Variants in KY observed in about 807,000 individuals in gnomAD.
KY encodes kyphoscoliosis peptidase.
Under a neutral mutation model 76.1 loss-of-function variants are expected in KY, and 43 were observed. The ratio of observed to expected loss-of-function variants is 0.57; its 90% CI spans 0.44 to 0.73. KY has a LOEUF of 0.73. KY is among the 30% of genes least tolerant of loss of function. The pLI is 0.00. For missense variants in KY, 722 were observed against 828.9 expected (o/e 0.87, Z 1.58); for synonymous variants, 277 against 326.2 (o/e 0.85, Z 1.63).
rs560190380 is a variant in KY at position 134,607,693 on chromosome 3, A to G, written c.1090+956T>C. 1.6e-5 allele frequency: 16 copies of G among 985,726 alleles called. No homozygotes were observed. The African/African-American group carries it at 2.6e-4, about 16-fold the overall frequency. The allele number at this position is 985,726 out of a possible 1,614,324, so 61.1% of individuals were successfully genotyped here. Reference sequence around the variant, plus strand: ...TCTGGCCCTCCAGGGCAGCCCCCGTATGCCTCAGAGTGTGCAAACATACTC... The same window carrying G: ...TCTGGCCCTCCAGGGCAGCCCCCGTGTGCCTCAGAGTGTGCAAACATACTC... On this transcript the variant is annotated intron_variant, in intron 10 of 10. Transcript: ENST00000423778.
At chr3:134,618,431 G>T (rs1029347024) in intron 8 of KY, among the ~76,000 whole-genome samples, 3 of 152,170 alleles carry the variant, frequency 2.0e-5, no homozygotes, top group South Asian at 2.1e-4. Flanking sequence ...CCTGGGGAGG[G>T]GTTCTTTGAT....
At chr3:134,618,557 G>A (rs2107820743) in intron 8 of KY, among the ~76,000 whole-genome samples, 1 of 133,830 alleles carries the variant, frequency 7.5e-6, no homozygotes, top group East Asian at 2.2e-4. Flanking sequence ...TCTTGAGCCT[G>A]TTTTGAGTCA....
chr3:134,637,904 C>T (rs113567164), intron 3 of KY, among the ~76,000 whole-genome samples: 26 of 152,232 alleles, frequency 1.7e-4, no homozygotes, highest in African/African-American at 5.5e-4. Flanking sequence ...GTTCGGAGCA[C>T]GGCCCTGGCC....
chr3:134,608,932 A>G, intron 9 of KY, 93 bp from the exon 10 acceptor site: 17 of 1,419,018 alleles, frequency 1.2e-5, no homozygotes, highest in Non-Finnish European at 1.6e-5. Context: ...GACACCCTGG[A>G]TGGGAAGAGG....
At chr3:134,647,551 T>C in intron 1 of KY, 54 bp from the exon 2 acceptor site, 1 of 1,120,836 alleles carries the variant, frequency 8.9e-7, no homozygotes, top group Non-Finnish European at 1.3e-6. Context: ...AAGAGTGATG[T>C]ACCAGTTGCA....
At chr3:134,625,916 GCAGGGC>G (rs753913651) in intron 5 of KY, among the ~76,000 whole-genome samples, 6 of 152,242 alleles carry the variant, frequency 3.9e-5, no homozygotes, top group African/African-American at 9.6e-5. Flanking sequence ...CAGTGCTGAT[GCAGGGC>G]CAGCAATCAT....
chr3:134,650,678 C>G (rs1175465379), intron 1 of KY, 147 bp downstream of exon 1: 1 of 736,966 alleles, frequency 1.4e-6, no homozygotes, highest in Non-Finnish European at 2.1e-6. Context: ...GGTGCCACTG[C>G]GGGGAAGCGA....
chr3:134,611,468 C>T (rs889730493), intron 8 of KY, among the ~76,000 whole-genome samples: 2 of 152,234 alleles, frequency 1.3e-5, no homozygotes, highest in Non-Finnish European at 2.9e-5. Flanking sequence ...AATTTCACTG[C>T]TAGTCTGACC....
chr3:134,605,160 G>A (rs968084743), intron 10 of KY, among the ~76,000 whole-genome samples: 6 of 151,982 alleles, frequency 3.9e-5, no homozygotes, highest in South Asian at 2.1e-4. Context: ...TTTCATCTTC[G>A]TCTGTCCTGG....
At chr3:134,644,486 G>A (rs577869503) in intron 2 of KY, among the ~76,000 whole-genome samples, 2 of 152,302 alleles carry the variant, frequency 1.3e-5, no homozygotes, top group East Asian at 3.9e-4. Context: ...GAGGGGTGGG[G>A]GGAAGGCTGG....
At chr3:134,615,349 C>T (rs1406951030) in intron 8 of KY, 62 of 96,122 alleles carry the variant, frequency 6.5e-4, no homozygotes, top group Admixed American at 1.1e-3. Flanking sequence ...GTTCAAGAAG[C>T]TTTTTTTTTT....
rs1411348723 is a variant in KY at position 134,608,881 on chromosome 3, G to T, written c.900-42C>A. On this transcript the variant is annotated intron_variant, in intron 9 of 10. Transcript: ENST00000423778. ...CTGGTTAGCAGCCAGCTCCATGCAG[G>T]GGAGGCAGGGGCCCAATACACCCAC... 1.9e-6 allele frequency: 3 copies of T among 1,568,934 alleles called. 1 individual carries two copies. Among genetic ancestry groups the T allele is most frequent in the South Asian group, 2.4e-5 (2 of 82,566 alleles).
chr3:134,647,728 G>C (rs1310572727), intron 1 of KY, among the ~76,000 whole-genome samples: 1 of 152,178 alleles, frequency 6.6e-6, no homozygotes, highest in Non-Finnish European at 1.5e-5. Context: ...GGTTATCAGG[G>C]TCATTTAGGG....
At position 134,610,284 on chromosome 3, in the gene KY, A is replaced by G; in HGVS notation, c.810T>C (p.Asn270=). 6.2e-7 allele frequency: 1 copy of G among 1,613,900 alleles called. No homozygotes were observed. The highest frequency in any genetic ancestry group is 8.5e-7 in the Non-Finnish European group (1 of 1,179,868). ...SFSGEFDHAW[N]AVYLEGRWHL... is the part of the protein sequence containing the mutation. Reference sequence around the variant, plus strand: ...GCCATCTTCCCTCCAGGTACACAGCATTCCAGGCATGGTCAAACTCCCCCG... The same window carrying G: ...GCCATCTTCCCTCCAGGTACACAGCGTTCCAGGCATGGTCAAACTCCCCCG... Residue 270 remains asparagine, a synonymous_variant, in exon 9 of 11, where the codon AAT becomes AAC. Coordinates refer to ENST00000423778, the MANE Select transcript of KY (RefSeq NM_178554.6).
At chr3:134,618,642 C>T (rs1962023460) in intron 8 of KY, among the ~76,000 whole-genome samples, 1 of 152,048 alleles carries the variant, frequency 6.6e-6, no homozygotes, top group East Asian at 1.9e-4. Context: ...GCCATATGCC[C>T]ACTCCCAGAG....
At chr3:134,607,193 C>A (rs915776869) in intron 10 of KY, 2 of 985,334 alleles carry the variant, frequency 2.0e-6, no homozygotes, top group Non-Finnish European at 2.4e-6. Context: ...GTTGTAAGCA[C>A]AGGAAATGGA....
intron 10 of KY, chr3:134,607,963 T>C: frequency 2.0e-6 from 2 of 1,007,696 alleles, no homozygotes; most frequent in Non-Finnish European, 2.4e-6. Context: ...CTCTGCTGCC[T>C]AGAACATGTC....
chr3:134,620,944 T>G, intron 6 of KY, 87 bp from the exon 7 acceptor site: 1 of 789,916 alleles, frequency 1.3e-6, no homozygotes, highest in Non-Finnish European at 2.2e-6. Flanking sequence ...CCAGTGCTGC[T>G]CTTCCTCCAG....
intron 3 of KY, 62 bp from the exon 4 acceptor site, chr3:134,629,757 A>G (rs777398474): frequency 2.1e-6 from 2 of 935,642 alleles, no homozygotes; most frequent in Non-Finnish European, 3.4e-6. Context: ...TGAATGCCTC[A>G]TGACTGATGA....
Sources: allele counts gnomAD v4.1 joint callset (sites outside exome capture counted in the v4.1 genomes callset), GRCh38; gene constraint gnomAD v4.1.1; transcripts MANE v1.5; gene names NCBI Gene and HGNC (gene_info 2026-07-23, HGNC 2026-07-21).